Variants in XPR1 observed in about 807,000 individuals in gnomAD.
The protein encoded by XPR1 is solute carrier family 53 member 1.
Under a neutral mutation model 87.5 loss-of-function variants are expected in XPR1, and 28 were observed. The ratio of observed to expected loss-of-function variants is 0.32; its 90% confidence interval spans 0.24 to 0.44. XPR1 has a LOEUF of 0.44. XPR1 is among the 20% of genes least tolerant of loss of function. The pLI is 1.00. For missense variants in XPR1, 559 were observed against 862.3 expected, an observed-to-expected ratio of 0.65 and a Z score of 4.41; for synonymous variants, 300 against 306.1, an observed-to-expected ratio of 0.98 and a Z score of 0.21.
intron 2 of XPR1, among the ~76,000 whole-genome samples, chr1:180,694,445 A>G (rs1209084381): frequency 1.3e-5 from 2 of 152,132 alleles, no homozygotes; most frequent in Non-Finnish European, 2.9e-5. Context: ...TGGCCAATAG[A>G]TATTAGTCAG....
chr1:180,837,760 C>G (rs1326900613), intron 11 of XPR1, among the ~76,000 whole-genome samples: 1 of 152,056 alleles, frequency 6.6e-6, no homozygotes, highest in African/African-American at 2.4e-5. Context: ...CCCCAAAGTT[C>G]CCATAATTTT....
At chr1:180,759,928 G>A (rs1376042003) in intron 2 of XPR1, among the ~76,000 whole-genome samples, 1 of 152,138 alleles carries the variant, frequency 6.6e-6, no homozygotes, top group African/African-American at 2.4e-5. Flanking sequence ...GATCAAGTGG[G>A]CTTCATCCCT....
chr1:180,692,807 ATTATG>A (rs1301988893), intron 2 of XPR1, among the ~76,000 whole-genome samples: 3 of 152,216 alleles, frequency 2.0e-5, no homozygotes, highest in African/African-American at 4.8e-5. Flanking sequence ...AAATAGTAAA[ATTATG>A]TTATGATAAC....
intron 1 of XPR1, among the ~76,000 whole-genome samples, chr1:180,661,244 T>G (rs1056966634): frequency 1.3e-5 from 2 of 152,132 alleles, no homozygotes; most frequent in Non-Finnish European, 2.9e-5. Flanking sequence ...AGTGTCTTTA[T>G]AGGTGAAGCG....
intron 2 of XPR1, among the ~76,000 whole-genome samples, chr1:180,734,503 G>T (rs1658663868): frequency 1.3e-5 from 2 of 152,144 alleles, no homozygotes; most frequent in Non-Finnish European, 2.9e-5. Context: ...GATCTGAGAA[G>T]TTTCAATTCC....
chr1:180,763,693 T>A (rs1258228147), intron 2 of XPR1, among the ~76,000 whole-genome samples: 2 of 152,220 alleles, frequency 1.3e-5, no homozygotes, highest in African/African-American at 4.8e-5. Flanking sequence ...CATGCATTCA[T>A]AACAGAACAA....
chr1:180,758,350 AG>A (rs1271851530), intron 2 of XPR1, among the ~76,000 whole-genome samples: 2 of 152,096 alleles, frequency 1.3e-5, no homozygotes, highest in African/African-American at 4.8e-5. Context: ...GAAGGGGAGG[AG>A]GGGATATGAA....
At position 180,824,957 on chromosome 1, in the gene XPR1, G is replaced by A; in HGVS notation, c.954+14G>A. 1 of 1,610,854 alleles carries A rather than the reference G, an allele frequency of 6.2e-7. No homozygotes were observed. Among genetic ancestry groups the A allele is most frequent in the Non-Finnish European group, 8.5e-7 (1 of 1,178,696 alleles). ...CATCTCTTTGAGGTAATCAAAGCAA[G>A]ACATAACACCTCATGAATATAGTTT... On this transcript the variant is annotated intron_variant, in intron 8 of 14. Coordinates refer to ENST00000367590, the MANE Select transcript of XPR1 (RefSeq NM_004736.4).
chr1:180,872,928 T>C (rs192601211), intron 12 of XPR1, among the ~76,000 whole-genome samples: 63 of 151,760 alleles, frequency 4.2e-4, no homozygotes, highest in African/African-American at 1.4e-3. Flanking sequence ...GTTCGGTCTC[T>C]AGGGATGGAA....
At chr1:180,873,087 A>T (rs1303072045) in intron 12 of XPR1, among the ~76,000 whole-genome samples, 1 of 152,148 alleles carries the variant, frequency 6.6e-6, no homozygotes, top group Non-Finnish European at 1.5e-5. Context: ...CATTCATTAA[A>T]TACATATATT....
intron 1 of XPR1, among the ~76,000 whole-genome samples, chr1:180,642,253 G>A (rs972831417): frequency 6.6e-6 from 1 of 152,122 alleles, no homozygotes; most frequent in Non-Finnish European, 1.5e-5. Flanking sequence ...TCGTTCCTCT[G>A]TAACATTTTA....
At chr1:180,730,470 T>C (rs1557978412) in intron 2 of XPR1, among the ~76,000 whole-genome samples, 2 of 152,238 alleles carry the variant, frequency 1.3e-5, no homozygotes, top group Admixed American at 1.3e-4. Context: ...ACACAAATTC[T>C]GCCTCCATTA....
chr1:180,735,301 A>G (rs1013862098), intron 2 of XPR1, among the ~76,000 whole-genome samples: 2 of 152,210 alleles, frequency 1.3e-5, no homozygotes, highest in African/African-American at 4.8e-5. Flanking sequence ...AAGATTTCCA[A>G]TTAACACCAG....
chr1:180,649,819 C>T (rs143104552), intron 1 of XPR1, among the ~76,000 whole-genome samples: 24 of 152,230 alleles, frequency 1.6e-4, no homozygotes, highest in Admixed American at 8.5e-4. Context: ...TATAGTATAG[C>T]GAGGATGGAG....
chr1:180,834,018 G>T (rs528711305), intron 9 of XPR1, among the ~76,000 whole-genome samples: 14 of 151,988 alleles, frequency 9.2e-5, no homozygotes, highest in African/African-American at 3.1e-4. Flanking sequence ...ATATCAAGGA[G>T]TAGGAACGTT....
chr1:180,691,086 A>T (rs190369830), intron 2 of XPR1, among the ~76,000 whole-genome samples: 5 of 152,184 alleles, frequency 3.3e-5, no homozygotes, highest in African/African-American at 9.6e-5. Flanking sequence ...GGTATTTTTT[A>T]AAATTAGTAG....
Position 180,887,527 on chromosome 1 carries a change from TC to T in XPR1, c.*3462del, listed in dbSNP as rs1653052386. The stretch of plus-strand genomic sequence containing the variant: ...CATAGCATACAGAGAAACAATGAAA[TC>T]AAAGATTAAATCATTAGGTTATGAT... On this transcript the variant is annotated 3_prime_UTR_variant, in exon 15 of 15. Transcript: ENST00000367590. 1 of 152,190 alleles carries T rather than the reference TC, an allele frequency of 6.6e-6. No homozygotes were observed. The highest frequency in any genetic ancestry group is 2.1e-4 in the South Asian group (1 of 4,834). The allele number at this position is 152,190 out of a possible 1,614,324, so 9.4% of individuals were successfully genotyped here. A position where few individuals can be genotyped will look rare whatever the true frequency, so the allele number is the denominator to read the frequency against.
chr1:180,808,709 A>G (rs531839775), intron 6 of XPR1, among the ~76,000 whole-genome samples: 1 of 152,358 alleles, frequency 6.6e-6, no homozygotes, highest in South Asian at 2.1e-4. Flanking sequence ...CAATATCATT[A>G]GGCATTATGG....
chr1:180,882,059 A>T (rs1652865298), intron 14 of XPR1, among the ~76,000 whole-genome samples: 1 of 152,180 alleles, frequency 6.6e-6, no homozygotes, highest in South Asian at 2.1e-4. Context: ...TGGTGACCTC[A>T]TTGAGCTCCT....
Sources: gnomAD v4.1 joint callset for allele counts (sites outside exome capture counted in the v4.1 genomes callset) on GRCh38, gnomAD v4.1.1 for gene constraint, MANE v1.5 for transcripts, NCBI Gene and HGNC (gene_info 2026-07-23, HGNC 2026-07-21) for gene names.